Variants in RALGAPA1 observed in about 807,000 individuals in gnomAD.
RALGAPA1 encodes ral GTPase-activating protein subunit alpha-1.
In RALGAPA1, 52 loss-of-function variants were observed where a neutral mutation model predicts 269.6. The ratio of observed to expected loss-of-function variants is 0.19; its 90% CI spans 0.15 to 0.24. RALGAPA1 has a LOEUF of 0.24. Ranked by LOEUF, RALGAPA1 falls within the 10% of genes least tolerant of loss-of-function variation. The probability of loss-of-function intolerance (pLI) is 1.00; values close to 1 mark genes in which losing one functional copy is unlikely to be tolerated. For synonymous variants in RALGAPA1, 817 were observed against 1,008.3 expected, an observed-to-expected ratio of 0.81 and a Z score of 3.60; for missense variants, 1,917 against 3,013.9, an observed-to-expected ratio of 0.64 and a Z score of 8.52.
At position 35,689,424 on chromosome 14, in the gene RALGAPA1, G is replaced by T. The variant is rs78218237; in HGVS notation, c.2987C>A (p.Thr996Asn). ...GTTTTCAGGAGTCCCAACAAAAGAG[G>T]TGATATTTTCTGATTCAGTTTCCTG... Reference protein sequence around the residue: ...TDQETESENITSFVGTPENLQ... With the variant: ...TDQETESENINSFVGTPENLQ... The change falls in exon 18 of 42, where the codon ACC (threonine) becomes AAC (asparagine). Residue 996 changes from threonine to asparagine, a missense_variant. By Grantham distance (65) the Thr-to-Asn change is moderately conservative (BLOSUM62 0). Transcript: ENST00000680220. 4.1e-6 allele frequency: 5 copies of T among 1,232,212 alleles called. No homozygotes were observed. The East Asian group carries it at 1.6e-4, about 39-fold the overall frequency. The allele number at this position is 1,232,212 out of a possible 1,614,324, so 76.3% of individuals were successfully genotyped here. A position where few individuals can be genotyped will look rare whatever the true frequency, so the allele number is the denominator to read the frequency against.
chr14:35,689,287 T>C lies in RALGAPA1; in HGVS notation c.3124A>G (p.Thr1042Ala). The C allele has an allele frequency of 8.1e-7, 1 of 1,232,278 alleles. No homozygotes were observed. Among genetic ancestry groups the C allele is most frequent in the East Asian group, 3.2e-5 (1 of 31,702 alleles). 76.3% of individuals were successfully genotyped at this position (1,232,278 alleles called of 1,614,324 possible). Residue 1042 changes from threonine (T) to alanine (A), a missense_variant, in exon 18 of 42, where the codon ACT (threonine) becomes GCT (alanine). Physicochemically the swap from Thr to Ala is moderately conservative, Grantham distance 58. This residue lies in a region of RALGAPA1 where 615 missense variants were observed against 790.0 expected (regional missense o/e 0.78). Coordinates refer to ENST00000680220, the MANE Select transcript of RALGAPA1 (RefSeq NM_001346249.2). Reference sequence around the variant, plus strand: ...CTAGGCTCTGATGGCTGTTTATCAGTGTTTAGTTGCTTAGATTTTTCAGAA... The same window carrying C: ...CTAGGCTCTGATGGCTGTTTATCAGCGTTTAGTTGCTTAGATTTTTCAGAA... ...QTSEKSKQLN[T>A]DKQPSEPSLD...
intron 17 of RALGAPA1, among the ~76,000 whole-genome samples, chr14:35,694,997 T>G (rs928608779): frequency 6.6e-6 from 1 of 152,096 alleles, no homozygotes; most frequent in African/African-American, 2.4e-5. Context: ...CAAGAATTGC[T>G]TGAACCCAGG....
chr14:35,778,788 T>C (rs2075235570), intron 1 of RALGAPA1, among the ~76,000 whole-genome samples: 1 of 152,228 alleles, frequency 6.6e-6, no homozygotes, highest in African/African-American at 2.4e-5. Flanking sequence ...TTACTACCTA[T>C]GTGACTTTTC....
chr14:35,650,852 T>G (rs939283167), intron 31 of RALGAPA1, among the ~76,000 whole-genome samples: 6 of 152,140 alleles, frequency 3.9e-5, no homozygotes, highest in African/African-American at 1.4e-4. Context: ...CTAACAGAAC[T>G]TTGTGCCTTG....
intron 38 of RALGAPA1, 55 bp downstream of exon 38, chr14:35,572,505 T>C (rs1040847212): frequency 1.5e-6 from 2 of 1,364,534 alleles, no homozygotes; most frequent in South Asian, 3.0e-5. Context: ...AAGAAACCCA[T>C]GAACCCCTAT....
chr14:35,589,139 T>G (rs184743162), intron 37 of RALGAPA1, among the ~76,000 whole-genome samples: 5 of 152,166 alleles, frequency 3.3e-5, no homozygotes, highest in African/African-American at 1.2e-4. Context: ...AAACAACATA[T>G]AGCAGGCCTT....
chr14:35,651,711 T>G, intron 31 of RALGAPA1, 94 bp downstream of exon 31: 1 of 1,134,702 alleles, frequency 8.8e-7, no homozygotes, highest in African/African-American at 1.6e-5. Flanking sequence ...AAGGATAAAT[T>G]TTTACCATGT....
chr14:35,725,892 C>T (rs1290145519), intron 13 of RALGAPA1, among the ~76,000 whole-genome samples: 1 of 151,984 alleles, frequency 6.6e-6, no homozygotes, highest in African/African-American at 2.4e-5. Flanking sequence ...CTTTTTTTGT[C>T]TGTACTGCAA....
intron 7 of RALGAPA1, among the ~76,000 whole-genome samples, chr14:35,754,230 A>G (rs1326315397): frequency 6.6e-6 from 1 of 152,210 alleles, no homozygotes; most frequent in Non-Finnish European, 1.5e-5. Context: ...ATCCATTAAA[A>G]AAGTGGTATA....
intron 39 of RALGAPA1, among the ~76,000 whole-genome samples, chr14:35,563,533 G>A (rs2056460367): frequency 6.6e-6 from 1 of 152,022 alleles, no homozygotes; most frequent in Non-Finnish European, 1.5e-5. Flanking sequence ...AGGGTAGGGA[G>A]GGTAAGGTAA....
intron 27 of RALGAPA1, among the ~76,000 whole-genome samples, chr14:35,663,097 T>G (rs1417744330): frequency 6.6e-6 from 1 of 151,888 alleles, no homozygotes; most frequent in African/African-American, 2.4e-5. Context: ...AGAGACAAGG[T>G]CTCCCTATGT....
intron 18 of RALGAPA1, among the ~76,000 whole-genome samples, chr14:35,688,085 A>T (rs1237065497): frequency 6.6e-6 from 1 of 152,220 alleles, no homozygotes; most frequent in Non-Finnish European, 1.5e-5. Context: ...CTTTTAAACT[A>T]TAGTGGGGTG....
intron 1 of RALGAPA1, among the ~76,000 whole-genome samples, chr14:35,781,871 C>T (rs150613231): frequency 1.3e-4 from 20 of 152,252 alleles, no homozygotes; most frequent in East Asian, 1.2e-3. Flanking sequence ...CAACTAACAA[C>T]ACACTTAGTG....
intron 13 of RALGAPA1, among the ~76,000 whole-genome samples, chr14:35,727,251 C>G (rs182810527): frequency 7.8e-4 from 113 of 144,564 alleles, no homozygotes; most frequent in African/African-American, 2.7e-3. Flanking sequence ...CTCTTTGCCT[C>G]AAAACAGAGA....
chr14:35,691,879 G>C (rs768163924), intron 17 of RALGAPA1, among the ~76,000 whole-genome samples: 1 of 152,102 alleles, frequency 6.6e-6, no homozygotes, highest in Non-Finnish European at 1.5e-5. Context: ...AAACTGAGGG[G>C]AATGTGCAAC....
chr14:35,569,430 A>G (rs1448822630), intron 39 of RALGAPA1, among the ~76,000 whole-genome samples: 1 of 152,218 alleles, frequency 6.6e-6, no homozygotes, highest in Non-Finnish European at 1.5e-5. Flanking sequence ...AGCTTTACAC[A>G]TATTGACTCA....
intron 8 of RALGAPA1, 80 bp from the exon 9 acceptor site, chr14:35,750,770 G>C: frequency 8.5e-7 from 1 of 1,170,690 alleles, no homozygotes; most frequent in South Asian, 1.5e-5. Context: ...TTAAATACTT[G>C]AGAAAATATT....
chr14:35,628,156 T>C (rs930667571), intron 33 of RALGAPA1, among the ~76,000 whole-genome samples: 1 of 152,198 alleles, frequency 6.6e-6, no homozygotes, highest in Non-Finnish European at 1.5e-5. Flanking sequence ...TCTGAAATTT[T>C]TGCTAATGGG....
intron 1 of RALGAPA1, among the ~76,000 whole-genome samples, chr14:35,782,935 C>A (rs2075554546): frequency 6.6e-6 from 1 of 151,986 alleles, no homozygotes; most frequent in Non-Finnish European, 1.5e-5. Flanking sequence ...AATCCTCCCA[C>A]CTCAGCCTCC....
Sources: allele counts gnomAD v4.1 joint callset (sites outside exome capture counted in the v4.1 genomes callset), GRCh38; gene constraint gnomAD v4.1.1; regional missense constraint gnomAD v4.1.1; transcripts MANE v1.5; gene names NCBI Gene and HGNC (gene_info 2026-07-23, HGNC 2026-07-21).